CCDC14: variants seen among roughly 807,000 people sequenced by gnomAD.
The protein encoded by CCDC14 is coiled-coil domain-containing protein 14.
Under a neutral mutation model 81.4 loss-of-function variants are expected in CCDC14, and 71 were observed. The observed-to-expected ratio is 0.87, with a 90% CI of 0.72 to 1.06. The LOEUF (loss-of-function observed/expected upper bound fraction) is 1.06. CCDC14 is among the 50% of genes least tolerant of loss of function. CCDC14 has a pLI of 0.00. For missense variants in CCDC14, 1,046 were observed against 1,047.3 expected (o/e 1.00, Z 0.02); for synonymous variants, 332 against 364.8 (o/e 0.91, Z 1.03).
In CCDC14 at chr3:123,956,033, A is replaced by T. The variant is rs1390767897; in HGVS notation, c.229+13T>A. On this transcript the variant is annotated intron_variant, in intron 4 of 12. Transcript: ENST00000409697. ...GAGATAAGGTGATCAGCAAAGAATT[A>T]AAAAAAAAAAACCTGAATCTTCATT... 3.1e-5 allele frequency: 26 copies of T among 831,156 alleles called. No individual in the cohort carries two copies. Among genetic ancestry groups the T allele is most frequent in the East Asian group, 2.8e-4 (7 of 24,626 alleles). 51.5% of individuals were successfully genotyped at this position (831,156 alleles called of 1,614,324 possible). A position where few individuals can be genotyped will look rare whatever the true frequency, so the allele number is the denominator to read the frequency against.
At chr3:123,893,968 C>A (rs777338928), downstream of CCDC14, among the ~76,000 whole-genome samples, 8 of 152,106 alleles carry the variant, frequency 5.3e-5, no homozygotes, top group Non-Finnish European at 8.8e-5. Context: ...ATATGATTAG[C>A]AAATATTTTC....
At chr3:123,896,207 G>C (rs2034060020), downstream of CCDC14, among the ~76,000 whole-genome samples, 1 of 152,230 alleles carries the variant, frequency 6.6e-6, no homozygotes, top group Admixed American at 6.5e-5. Flanking sequence ...TCATGGGAGT[G>C]GTGGCTTTAT....
chr3:123,931,092 T>A lies in CCDC14; in HGVS notation c.1778+10A>T, dbSNP rs201365355. ...AAAGGCATGAGTTATTCAAAGGAAG[T>A]CAATTTTACCTGGTTAATTCTCTTA... On this transcript the variant is annotated intron_variant, in intron 12 of 12. Transcript: ENST00000409697. 3.2e-5 allele frequency: 50 copies of A among 1,562,380 alleles called. No homozygotes were observed. In the African/African-American group the frequency reaches 5.5e-4, roughly 17 times the overall value.
downstream of CCDC14, among the ~76,000 whole-genome samples, chr3:123,893,696 AAGGGTTCC>A (rs2034021151): frequency 6.6e-6 from 1 of 152,102 alleles, no homozygotes; most frequent in African/African-American, 2.4e-5. Context: ...AGCAATGCAC[AAGGGTTCC>A]AGTTTTTCCA....
chr3:123,924,822 A>AATACT (rs1326365638), intron 12 of CCDC14, among the ~76,000 whole-genome samples: 3 of 152,134 alleles, frequency 2.0e-5, no homozygotes, highest in Non-Finnish European at 4.4e-5. Context: ...AAATTAGTAT[A>AATACT]GACACAATGG....
At chr3:123,897,515 T>C in exon 6 of CCDC14, 3 of 705,160 alleles carry the variant, frequency 4.3e-6, no homozygotes, top group Middle Eastern at 6.0e-4. Flanking sequence ...TCCCACCTCT[T>C]CCTTGTTCAG....
At chr3:123,942,642 C>T (rs149182851) in intron 9 of CCDC14, among the ~76,000 whole-genome samples, 30 of 131,610 alleles carry the variant, frequency 2.3e-4, no homozygotes, top group Admixed American at 5.9e-4. Flanking sequence ...TCATATCTTA[C>T]ACAATGTCTA....
At chr3:123,917,458 G>A (rs1449887200) in intron 12 of CCDC14, among the ~76,000 whole-genome samples, 5 of 149,854 alleles carry the variant, frequency 3.3e-5, no homozygotes, top group African/African-American at 4.9e-5. Flanking sequence ...TCACTCCACC[G>A]CACTCCAGCC....
intron 5 of CCDC14, among the ~76,000 whole-genome samples, chr3:123,899,594 C>A (rs894853951): frequency 3.3e-5 from 5 of 152,198 alleles, no homozygotes; most frequent in Non-Finnish European, 7.3e-5. Flanking sequence ...GGATTTCCTA[C>A]CTATGCAGAT....
chr3:123,930,061 T>C (rs1257659781), intron 12 of CCDC14, among the ~76,000 whole-genome samples: 1 of 152,218 alleles, frequency 6.6e-6, no homozygotes, highest in Non-Finnish European at 1.5e-5. Flanking sequence ...ACCTAATCAA[T>C]TATAATTATA....
At chr3:123,887,615 C>T in the CCDC14 span, among the ~76,000 whole-genome samples, 14 of 152,270 alleles carry the variant, frequency 9.2e-5, no homozygotes, top group South Asian at 1.2e-3. Flanking sequence ...GGTTTGTAGA[C>T]GGCACCTTCT....
Position 123,957,659 on chromosome 3 carries a change from C to G in CCDC14, c.31-864G>C, listed in dbSNP as rs188422492. 3 of 152,114 alleles carry G rather than the reference C, an allele frequency of 2.0e-5. No individual in the cohort carries two copies. In the East Asian group the frequency reaches 5.8e-4, roughly 29 times the overall value. The allele number at this position is 152,114 out of a possible 1,614,324, so 9.4% of individuals were successfully genotyped here. ...ATTTGCTTTTACATGCATCCAGTAT[C>G]TTGGGAGTTATGCCAGAAACAGTTA... On this transcript the variant is annotated intron_variant, in intron 1 of 12. Transcript: ENST00000409697.
chr3:123,916,578 G>T (rs1468692835), intron 12 of CCDC14, among the ~76,000 whole-genome samples: 1 of 151,610 alleles, frequency 6.6e-6, no homozygotes, highest in Non-Finnish European at 1.5e-5. Context: ...TACCAGAAAG[G>T]TGTATAACGA....
chr3:123,945,553 T>C (rs1267218178), intron 8 of CCDC14, among the ~76,000 whole-genome samples: 2 of 152,088 alleles, frequency 1.3e-5, no homozygotes, highest in African/African-American at 4.8e-5. Flanking sequence ...TGTTAATAAT[T>C]GTGGACAGTA....
At chr3:123,940,472 C>T (rs2036290353) in intron 9 of CCDC14, among the ~76,000 whole-genome samples, 1 of 151,852 alleles carries the variant, frequency 6.6e-6, no homozygotes, top group African/African-American at 2.4e-5. Context: ...GATATTTATT[C>T]TGGACCTACC....
intron 12 of CCDC14, among the ~76,000 whole-genome samples, chr3:123,920,614 G>C (rs548806009): frequency 6.6e-6 from 1 of 152,274 alleles, no homozygotes; most frequent in South Asian, 2.1e-4. Flanking sequence ...CCAGAAATGA[G>C]GGAGAAATAA....
At chr3:123,917,097 C>A (rs1461138405) in intron 12 of CCDC14, among the ~76,000 whole-genome samples, 7 of 151,882 alleles carry the variant, frequency 4.6e-5, no homozygotes, top group African/African-American at 1.7e-4. Context: ...CCCGCCTCGG[C>A]CTCCCAAAGT....
intron 9 of CCDC14, among the ~76,000 whole-genome samples, chr3:123,939,849 A>C (rs2036257264): frequency 6.6e-6 from 1 of 151,864 alleles, no homozygotes; most frequent in Non-Finnish European, 1.5e-5. Flanking sequence ...ACTTACGAGG[A>C]AGTAAGAAAA....
chr3:123,958,493 T>C (rs1022927307), intron 1 of CCDC14: 1 of 152,102 alleles, frequency 6.6e-6, no homozygotes, highest in African/African-American at 2.4e-5. Flanking sequence ...TATGAAATAA[T>C]AGTACAAAGA....
Sources: gnomAD v4.1 joint callset for allele counts (sites outside exome capture counted in the v4.1 genomes callset) on GRCh38, gnomAD v4.1.1 for gene constraint, MANE v1.5 for transcripts, NCBI Gene and HGNC (gene_info 2026-07-23, HGNC 2026-07-21) for gene names.